MAD1L1: variants seen among roughly 807,000 people sequenced by gnomAD.
MAD1L1 encodes mitotic spindle assembly checkpoint protein MAD1.
In MAD1L1, 95 loss-of-function variants were observed where a neutral mutation model predicts 96.9. The observed-to-expected ratio is 0.98, with a 90% CI of 0.83 to 1.16. MAD1L1 has a LOEUF of 1.16. MAD1L1 is among the 50% of genes most tolerant of loss of function. The pLI, the probability that MAD1L1 is intolerant of heterozygous loss-of-function variation, is 0.00. For missense variants in MAD1L1, 1,007 were observed against 954.4 expected (o/e 1.06, Z -0.73); for synonymous variants, 473 against 396.6 (o/e 1.19, Z -2.29).
At chr7:2,221,231 C>T (rs1793590541) in intron 5 of MAD1L1, among the ~76,000 whole-genome samples, 1 of 152,188 alleles carries the variant, frequency 6.6e-6, no homozygotes, top group Non-Finnish European at 1.5e-5. Flanking sequence ...GCACGACTCA[C>T]CCTCCCCCAT....
intron 18 of MAD1L1, among the ~76,000 whole-genome samples, chr7:1,857,713 C>A (rs903937787): frequency 6.6e-6 from 1 of 152,210 alleles, no homozygotes; most frequent in Non-Finnish European, 1.5e-5. Context: ...GTGGGCAAGG[C>A]CAGGGCTCAC....
intron 11 of MAD1L1, among the ~76,000 whole-genome samples, chr7:2,123,541 GGAGAGCAC>G (rs1262012552): frequency 6.6e-6 from 1 of 152,162 alleles, no homozygotes; most frequent in African/African-American, 2.4e-5. Flanking sequence ...CTGTCAAGCA[GGAGAGCAC>G]CCCAGTCCAC....
intron 17 of MAD1L1, among the ~76,000 whole-genome samples, chr7:1,907,201 G>C (rs973573582): frequency 2.0e-5 from 3 of 152,094 alleles, no homozygotes; most frequent in African/African-American, 7.2e-5. Flanking sequence ...CCACCGCCTT[G>C]CCCCTGTCCC....
chr7:1,871,540 A>G lies in MAD1L1; in HGVS notation c.1998+26660T>C, dbSNP rs1319683767. ...TAACACCTGCCACGCCGAACCCAACATATGCCTGCCACGCTGAACCCAACA... is the reference window on the plus strand; with the variant it reads ...TAACACCTGCCACGCCGAACCCAACGTATGCCTGCCACGCTGAACCCAACA... On this transcript the variant is annotated intron_variant, in intron 18 of 18. Coordinates refer to ENST00000265854, the MANE Select transcript of MAD1L1 (RefSeq NM_001013836.2). Among the ~76,000 whole-genome samples the G allele has an allele frequency of 3.6e-5, 4 of 111,912 alleles. 1 individual carries two copies. Among genetic ancestry groups the G allele is most frequent in the Non-Finnish European group, 7.2e-5 (4 of 55,570 alleles). 73.4% of individuals were successfully genotyped at this position (111,912 alleles called of 152,430 possible).
At chr7:2,161,114 T>TCCCCCCC (rs1790089790) in intron 10 of MAD1L1, among the ~76,000 whole-genome samples, 2 of 41,466 alleles carry the variant, frequency 4.8e-5, no homozygotes, top group Non-Finnish European at 4.6e-5. Flanking sequence ...CCCCTGCCCC[T>TCCCCCCC]CCCCCTCCCT....
intron 11 of MAD1L1, among the ~76,000 whole-genome samples, chr7:2,131,464 G>C (rs1474185171): frequency 6.6e-6 from 1 of 152,236 alleles, no homozygotes; most frequent in Non-Finnish European, 1.5e-5. Context: ...GAAACAGGGA[G>C]CAGCTGAGAC....
At chr7:2,086,493 C>A (rs1785924899) in intron 11 of MAD1L1, among the ~76,000 whole-genome samples, 2 of 152,240 alleles carry the variant, frequency 1.3e-5, no homozygotes, top group African/African-American at 4.8e-5. Context: ...ACGGCCTCTG[C>A]CCATGGGAAA....
chr7:2,022,483 T>C (rs1782830405), intron 12 of MAD1L1, among the ~76,000 whole-genome samples: 1 of 151,716 alleles, frequency 6.6e-6, no homozygotes, highest in Admixed American at 6.6e-5. Context: ...ATACAAAAAT[T>C]AGCCGGGCAT....
At chr7:1,824,681 C>G (rs538813548) in intron 18 of MAD1L1, among the ~76,000 whole-genome samples, 1 of 151,662 alleles carries the variant, frequency 6.6e-6, no homozygotes, top group African/African-American at 2.4e-5. Context: ...TGGCATCTGC[C>G]GGGGCAGCCA....
At chr7:1,998,046 G>A (rs1210328312) in intron 14 of MAD1L1, among the ~76,000 whole-genome samples, 5 of 152,152 alleles carry the variant, frequency 3.3e-5, no homozygotes, top group Admixed American at 2.6e-4. Context: ...TGCTGCGTAC[G>A]ATGAATAAGG....
At chr7:1,954,346 GC>G (rs1172936386) in intron 16 of MAD1L1, among the ~76,000 whole-genome samples, 1 of 152,104 alleles carries the variant, frequency 6.6e-6, no homozygotes, top group East Asian at 1.9e-4. Flanking sequence ...CAGAGCTGTG[GC>G]CCACCCCAGG....
intron 14 of MAD1L1, among the ~76,000 whole-genome samples, chr7:1,997,443 C>A (rs1781605881): frequency 6.6e-6 from 1 of 152,242 alleles, no homozygotes; most frequent in African/African-American, 2.4e-5. Context: ...AGACAGCACC[C>A]ACTGCCGAGC....
At chr7:2,193,090 A>G (rs1044976666) in intron 10 of MAD1L1, among the ~76,000 whole-genome samples, 2 of 152,226 alleles carry the variant, frequency 1.3e-5, no homozygotes, top group Non-Finnish European at 1.5e-5. Context: ...CCCGGAGCTC[A>G]GCACTCGTGG....
chr7:2,213,881 T>C lies in MAD1L1; in HGVS notation c.925-608A>G, dbSNP rs750148532. Among the ~76,000 whole-genome samples the C allele has an allele frequency of 2.0e-4, 30 of 152,220 alleles. 1 individual carries two copies. The highest frequency in any genetic ancestry group is 2.9e-5 in the Non-Finnish European group (2 of 68,032). On this transcript the variant is annotated intron_variant, in intron 9 of 18. Coordinates refer to ENST00000265854, the MANE Select transcript of MAD1L1 (RefSeq NM_001013836.2). ...AAAGAGGTGAGTCTCACGGCCCTTC[T>C]AGGACGGAAGCAATCTGAGGGCAGG... is the stretch of plus-strand genomic sequence containing the variant.
intron 11 of MAD1L1, among the ~76,000 whole-genome samples, chr7:2,111,723 G>T (rs551080797): frequency 6.6e-6 from 1 of 152,238 alleles, no homozygotes; most frequent in Non-Finnish European, 1.5e-5. Flanking sequence ...ACACAGCCCT[G>T]TGGGGGCAGC....
chr7:1,982,034 A>G (rs1036890103), intron 14 of MAD1L1, among the ~76,000 whole-genome samples: 3 of 152,098 alleles, frequency 2.0e-5, no homozygotes, highest in Non-Finnish European at 2.9e-5. Context: ...CAGCCAGCCA[A>G]CGTTCTGAGG....
chr7:2,208,939 C>T (rs1792740487), intron 10 of MAD1L1, among the ~76,000 whole-genome samples: 1 of 152,152 alleles, frequency 6.6e-6, no homozygotes, highest in Non-Finnish European at 1.5e-5. Context: ...CTGCTGCTAA[C>T]TCCCTCAGCC....
At position 2,146,043 on chromosome 7, in the gene MAD1L1, A is replaced by C. The variant is rs1319111215; in HGVS notation, c.1073+3109T>G. Reference sequence around the variant, plus strand: ...TACACAACACCCAGGAAGTGCATCAAGACTGCGTGGTGTAGGCTGCTCACA... The same window carrying C: ...TACACAACACCCAGGAAGTGCATCACGACTGCGTGGTGTAGGCTGCTCACA... On this transcript the variant is annotated intron_variant, in intron 11 of 18. Coordinates refer to ENST00000265854, the MANE Select transcript of MAD1L1 (RefSeq NM_001013836.2). This position sits in a 1 kb window ranked among gnomAD's most constrained non-coding sequence, Gnocchi z 6.2. Among the ~76,000 whole-genome samples, 1 of 152,242 alleles carries C rather than the reference A, an allele frequency of 6.6e-6. No homozygotes were observed. The highest frequency in any genetic ancestry group is 2.4e-5 in the African/African-American group (1 of 41,464).
At chr7:2,079,988 G>C in intron 11 of MAD1L1, 1 of 321,492 alleles carries the variant, frequency 3.1e-6, no homozygotes, top group Non-Finnish European at 6.0e-6. Context: ...CCCGAGGTCA[G>C]AGAGAAGGAG....
Sources: allele counts gnomAD v4.1 joint callset (sites outside exome capture counted in the v4.1 genomes callset), GRCh38; gene constraint gnomAD v4.1.1; non-coding constraint Gnocchi (gnomAD v3.1); transcripts MANE v1.5; gene names NCBI Gene and HGNC (gene_info 2026-07-23, HGNC 2026-07-21).